Variants in EXOC6B observed in about 807,000 individuals in gnomAD.
EXOC6B encodes the protein exocyst complex component 6B, also known as SEC15 homolog B.
A neutral mutation model predicts 113.5 loss-of-function variants in EXOC6B; 54 were observed. That is an observed-to-expected ratio of 0.48 (90% CI 0.38 to 0.60). The LOEUF (loss-of-function observed/expected upper bound fraction) is 0.60, where lower values mean the gene tolerates loss of function less well. Among genes scored for constraint, EXOC6B ranks in the 20% least tolerant of loss-of-function variants. EXOC6B has a pLI of 0.00. For synonymous variants in EXOC6B, 357 were observed against 339.0 expected, an observed-to-expected ratio of 1.05 and a Z score of -0.58; for missense variants, 797 against 977.5, an observed-to-expected ratio of 0.82 and a Z score of 2.46.
In EXOC6B at chr2:72,284,131, G is replaced by A. The variant is rs1196395197; in HGVS notation, c.2196+50816C>T. Among the ~76,000 whole-genome samples, 7 of 152,006 alleles carry A rather than the reference G, an allele frequency of 4.6e-5. No individual in the cohort carries two copies. In the East Asian group the frequency reaches 9.6e-4, roughly 21 times the overall value. On this transcript the variant is annotated intron_variant, in intron 20 of 21. Transcript: ENST00000272427. ...AAGGATACTTCCTAATTTGTTTTAC[G>A]AGGCCAGCATTACCCTAATATCAAG...
chr2:72,663,804 T>C (rs547979574), intron 6 of EXOC6B, among the ~76,000 whole-genome samples: 62 of 152,248 alleles, frequency 4.1e-4, no homozygotes, highest in African/African-American at 1.3e-3. Flanking sequence ...TTAAGAACTA[T>C]AGAATATACA....
chr2:72,539,406 T>C (rs1245037698), intron 8 of EXOC6B, among the ~76,000 whole-genome samples: 3 of 152,146 alleles, frequency 2.0e-5, no homozygotes, highest in African/African-American at 7.2e-5. Flanking sequence ...ATCACCAGAA[T>C]TCATCTGTTT....
chr2:72,385,173 A>G (rs1412972824), intron 18 of EXOC6B, among the ~76,000 whole-genome samples: 1 of 152,176 alleles, frequency 6.6e-6, no homozygotes, highest in African/African-American at 2.4e-5. Flanking sequence ...ACACAGACCA[A>G]TGGAACAGAA....
chr2:72,642,768 T>C (rs1219573439), intron 6 of EXOC6B, among the ~76,000 whole-genome samples: 1 of 151,630 alleles, frequency 6.6e-6, no homozygotes, highest in Non-Finnish European at 1.5e-5. Flanking sequence ...ACAAATGGGA[T>C]CTCATTAAAC....
intron 20 of EXOC6B, among the ~76,000 whole-genome samples, chr2:72,277,312 T>C (rs541552447): frequency 2.1e-4 from 32 of 152,248 alleles, no homozygotes; most frequent in Non-Finnish European, 4.0e-4. Flanking sequence ...AATAATCTTC[T>C]GGTTAAACCA....
intron 6 of EXOC6B, among the ~76,000 whole-genome samples, chr2:72,660,353 A>C (rs1674918637): frequency 6.6e-6 from 1 of 152,210 alleles, no homozygotes; most frequent in Non-Finnish European, 1.5e-5. Flanking sequence ...CTATTCTCCT[A>C]AATTAATAAG....
At chr2:72,356,269 C>T (rs1425797369) in intron 19 of EXOC6B, among the ~76,000 whole-genome samples, 1 of 152,152 alleles carries the variant, frequency 6.6e-6, no homozygotes, top group Non-Finnish European at 1.5e-5. Context: ...GCCTAGCTAA[C>T]ATGTTGTACT....
At chr2:72,254,606 G>A (rs986988637) in intron 20 of EXOC6B, among the ~76,000 whole-genome samples, 4 of 152,238 alleles carry the variant, frequency 2.6e-5, no homozygotes, top group Non-Finnish European at 4.4e-5. Context: ...ACCTAAACAT[G>A]TAGAAGTGGC....
intron 11 of EXOC6B, among the ~76,000 whole-genome samples, chr2:72,510,129 C>T (rs956144345): frequency 8.6e-5 from 13 of 151,844 alleles, no homozygotes; most frequent in African/African-American, 2.9e-4. Flanking sequence ...CCAACATGCC[C>T]GACCTAATAT....
intron 6 of EXOC6B, among the ~76,000 whole-genome samples, chr2:72,581,930 T>C (rs906133152): frequency 2.0e-5 from 3 of 152,112 alleles, no homozygotes; most frequent in Non-Finnish European, 2.9e-5. Flanking sequence ...GATCAGACCA[T>C]TGCCTGAGGC....
chr2:72,241,740 A>G (rs1017717187), intron 20 of EXOC6B, among the ~76,000 whole-genome samples: 3 of 152,198 alleles, frequency 2.0e-5, no homozygotes, highest in Admixed American at 6.5e-5. Context: ...AAATCCACCA[A>G]TAAAGAATTC....
intron 8 of EXOC6B, chr2:72,515,725 C>G: frequency 3.0e-6 from 3 of 986,868 alleles, no homozygotes; most frequent in Non-Finnish European, 3.6e-6. Context: ...ATAATAATAT[C>G]TGACTCATGA....
At chr2:72,542,626 T>C (rs1005297686) in intron 8 of EXOC6B, among the ~76,000 whole-genome samples, 2 of 152,034 alleles carry the variant, frequency 1.3e-5, no homozygotes, top group African/African-American at 2.4e-5. Flanking sequence ...GCTATGGTAT[T>C]TGTTTCTGGT....
intron 6 of EXOC6B, among the ~76,000 whole-genome samples, chr2:72,682,353 T>A (rs1334136645): frequency 6.6e-6 from 1 of 152,198 alleles, no homozygotes; most frequent in Non-Finnish European, 1.5e-5. Flanking sequence ...AGGATCACAA[T>A]TTAAACCAGA....
chr2:72,767,834 G>C (rs1196998151), intron 1 of EXOC6B, among the ~76,000 whole-genome samples: 2 of 24,390 alleles, frequency 8.2e-5, no homozygotes, highest in Admixed American at 4.3e-4. Context: ...AAAAAAAAAA[G>C]ACCAAGTCCG....
At chr2:72,684,837 G>T (rs1467284790) in intron 6 of EXOC6B, among the ~76,000 whole-genome samples, 1 of 152,124 alleles carries the variant, frequency 6.6e-6, no homozygotes, top group African/African-American at 2.4e-5. Context: ...AGTGGAGAGG[G>T]AAATGAGAGA....
intron 20 of EXOC6B, among the ~76,000 whole-genome samples, chr2:72,307,243 G>T (rs796307874): frequency 6.7e-6 from 1 of 148,862 alleles, no homozygotes; most frequent in East Asian, 1.9e-4. Flanking sequence ...AGGTTCAAGC[G>T]ATTCCCCTGC....
At chr2:72,465,714 T>C (rs987072749) in intron 17 of EXOC6B, among the ~76,000 whole-genome samples, 3 of 152,184 alleles carry the variant, frequency 2.0e-5, no homozygotes, top group African/African-American at 7.2e-5. Flanking sequence ...CAACAACCAG[T>C]ATTCCAATGC....
At chr2:72,570,655 T>C (rs1704460386) in intron 7 of EXOC6B, among the ~76,000 whole-genome samples, 1 of 152,196 alleles carries the variant, frequency 6.6e-6, no homozygotes. Context: ...CACACTAGAA[T>C]ATGTGACATG....
Sources: gnomAD v4.1 joint callset for allele counts (sites outside exome capture counted in the v4.1 genomes callset) on GRCh38, gnomAD v4.1.1 for gene constraint, MANE v1.5 for transcripts, NCBI Gene and HGNC (gene_info 2026-07-23, HGNC 2026-07-21) for gene names.